COL11A1: variants seen among roughly 807,000 people sequenced by gnomAD.
The protein encoded by COL11A1 is collagen type XI alpha 1 chain, also known as collagen alpha-1(XI) chain.
COL11A1 carries 74 observed loss-of-function variants against 265.2 expected under a neutral mutation model. That is an observed-to-expected ratio of 0.28 (90% CI 0.23 to 0.34). COL11A1 has a LOEUF of 0.34. Ranked by LOEUF, COL11A1 falls within the 10% of genes least tolerant of loss-of-function variation. The pLI is 1.00. For synonymous variants in COL11A1, 816 were observed against 727.6 expected (o/e 1.12, Z -1.96); for missense variants, 2,165 against 2,263.6 (o/e 0.96, Z 0.88).
chr1:102,983,685 T>C (rs994185145), intron 31 of COL11A1, among the ~76,000 whole-genome samples: 1 of 152,046 alleles, frequency 6.6e-6, no homozygotes, highest in Non-Finnish European at 1.5e-5. Context: ...TGTTTTAAGT[T>C]AATACGTTTG....
At chr1:103,025,152 C>T (rs896859792) in intron 7 of COL11A1, among the ~76,000 whole-genome samples, 5 of 151,998 alleles carry the variant, frequency 3.3e-5, no homozygotes, top group African/African-American at 1.2e-4. Context: ...TTGTATCCTT[C>T]GATGATACAA....
At chr1:102,986,046 C>T (rs1663508025) in intron 30 of COL11A1, among the ~76,000 whole-genome samples, 2 of 152,092 alleles carry the variant, frequency 1.3e-5, no homozygotes, top group African/African-American at 4.8e-5. Context: ...CACTCTCTAT[C>T]TAATACCTAT....
intron 43 of COL11A1, among the ~76,000 whole-genome samples, chr1:102,939,438 C>T (rs1049565569): frequency 1.6e-4 from 25 of 152,146 alleles, no homozygotes; most frequent in African/African-American, 4.3e-4. Context: ...GGTTCTGGGT[C>T]GCGCACCTGT....
chr1:102,951,419 C>T (rs774961215), intron 41 of COL11A1, among the ~76,000 whole-genome samples: 46 of 152,112 alleles, frequency 3.0e-4, no homozygotes, highest in Admixed American at 5.9e-4. Flanking sequence ...GGCGTCACGC[C>T]GGGAGTGGTG....
At position 103,023,527 on chromosome 1, in the gene COL11A1, T is replaced by C. The variant is rs144627271; in HGVS notation, c.991-531A>G. On this transcript the variant is annotated intron_variant, in intron 7 of 66. Transcript: ENST00000370096. ...CATGCACCACCATGCCTGGGTAATT[T>C]TGTATATTTGGTAGAGACGGGTTTT... Among the ~76,000 whole-genome samples the C allele has an allele frequency of 1.4e-4, 21 of 152,046 alleles. 1 individual carries two copies. The East Asian group carries it at 3.9e-3, about 28-fold the overall frequency.
intron 41 of COL11A1, among the ~76,000 whole-genome samples, chr1:102,957,093 A>G (rs1182881313): frequency 1.3e-5 from 2 of 151,938 alleles, no homozygotes; most frequent in African/African-American, 4.8e-5. Context: ...AGTTTCTCTA[A>G]ATATAAGTCA....
chr1:102,935,472 C>T (rs1658043511), intron 44 of COL11A1, among the ~76,000 whole-genome samples: 1 of 151,974 alleles, frequency 6.6e-6, no homozygotes, highest in South Asian at 2.1e-4. Flanking sequence ...TAGGAAAGGG[C>T]CCATGAAAAA....
intron 53 of COL11A1, 116 bp from the exon 54 acceptor site, chr1:102,912,328 T>C: frequency 1.3e-6 from 1 of 780,304 alleles, no homozygotes; most frequent in Non-Finnish European, 2.1e-6. Context: ...ATGTCAATAT[T>C]TCCTGGAAAA....
chr1:102,927,388 G>C (rs1656717818), intron 46 of COL11A1, among the ~76,000 whole-genome samples: 1 of 152,136 alleles, frequency 6.6e-6, no homozygotes, highest in South Asian at 2.1e-4. Context: ...AAGGTTTATA[G>C]GAAGCAGTGA....
chr1:103,101,213 T>C (rs1571284806), intron 1 of COL11A1, among the ~76,000 whole-genome samples: 1 of 151,840 alleles, frequency 6.6e-6, no homozygotes, highest in Admixed American at 6.6e-5. Flanking sequence ...GTCTTGAGCC[T>C]GGACATAAAG....
intron 58 of COL11A1, 44 bp from the exon 59 acceptor site, chr1:102,889,606 T>C (rs751414262): frequency 1.5e-6 from 2 of 1,351,820 alleles, no homozygotes. Context: ...TACATTACTA[T>C]CTTCATAAAA....
At chr1:102,909,191 T>C (rs2100998197) in intron 54 of COL11A1, among the ~76,000 whole-genome samples, 1 of 152,220 alleles carries the variant, frequency 6.6e-6, no homozygotes, top group Non-Finnish European at 1.5e-5. Flanking sequence ...CTTCTCACTC[T>C]GTTAGTTCCT....
At chr1:102,951,370 T>G (rs1483756434) in intron 41 of COL11A1, among the ~76,000 whole-genome samples, 2 of 152,228 alleles carry the variant, frequency 1.3e-5, no homozygotes, top group Non-Finnish European at 2.9e-5. Context: ...TTTGTGTTTT[T>G]ATTATGTATG....
At chr1:103,096,763 A>T (rs913012400) in intron 1 of COL11A1, among the ~76,000 whole-genome samples, 1 of 152,054 alleles carries the variant, frequency 6.6e-6, no homozygotes, top group Non-Finnish European at 1.5e-5. Flanking sequence ...AATAATCAAA[A>T]TAGAGATCAT....
intron 31 of COL11A1, among the ~76,000 whole-genome samples, chr1:102,981,104 AAT>A (rs1465350123): frequency 6.6e-6 from 1 of 152,154 alleles, no homozygotes; most frequent in African/African-American, 2.4e-5. Context: ...TGATAGTCAA[AAT>A]AATAACCTGA....
At chr1:103,059,098 A>G (rs74391599) in intron 4 of COL11A1, among the ~76,000 whole-genome samples, 4,663 of 152,324 alleles carry the variant, frequency 0.031, 273 homozygotes, top group African/African-American at 0.11. Flanking sequence ...ATTTGTAACA[A>G]GAGCAATATC....
At chr1:103,022,010 C>T (rs779762097) in intron 8 of COL11A1, among the ~76,000 whole-genome samples, 1 of 69,634 alleles carries the variant, frequency 1.4e-5, no homozygotes, top group South Asian at 1.0e-3. Flanking sequence ...CCACACCTAG[C>T]TAATTTTTTT....
At position 102,891,428 on chromosome 1, in the gene COL11A1, C is replaced by T. The variant is rs538291555; in HGVS notation, c.4303-924G>A. Among the ~76,000 whole-genome samples the T allele has an allele frequency of 6.6e-5, 10 of 151,696 alleles. No individual in the cohort carries two copies. In the East Asian group the frequency reaches 1.2e-3, roughly 18 times the overall value. ...ATATACTTCTATTTCAATAATTTAA[C>T]GTTTTTAATAGTCCCAGACTAAGAC... On this transcript the variant is annotated intron_variant, in intron 57 of 66. Transcript: ENST00000370096.
At chr1:102,950,952 A>C (rs11809227) in intron 41 of COL11A1, among the ~76,000 whole-genome samples, 5,139 of 152,186 alleles carry the variant, frequency 0.034, 311 homozygotes, top group African/African-American at 0.12. Flanking sequence ...CCCCTTTGCT[A>C]GGCACTTCTT....
Sources: gnomAD v4.1 joint callset for allele counts (sites outside exome capture counted in the v4.1 genomes callset) on GRCh38, gnomAD v4.1.1 for gene constraint, MANE v1.5 for transcripts, NCBI Gene and HGNC (gene_info 2026-07-23, HGNC 2026-07-21) for gene names.